Variants in CIB4 observed in about 807,000 individuals in gnomAD.
CIB4 encodes the protein calcium and integrin-binding family member 4.
A neutral mutation model predicts 25.8 loss-of-function variants in CIB4; 25 were observed. The observed-to-expected ratio is 0.97, with a 90% CI of 0.71 to 1.35. The LOEUF is 1.35. Ranked by LOEUF, CIB4 falls within the 40% of genes most tolerant of loss-of-function variation. The pLI, the probability that CIB4 is intolerant of heterozygous loss-of-function variation, is 0.00. For synonymous variants in CIB4, 75 were observed against 81.4 expected, an observed-to-expected ratio of 0.92 and a Z score of 0.42; for missense variants, 235 against 228.2, an observed-to-expected ratio of 1.03 and a Z score of -0.19.
intron 3 of CIB4, among the ~76,000 whole-genome samples, chr2:26,617,128 G>GTA (rs1187598712): frequency 6.8e-6 from 1 of 147,090 alleles, no homozygotes; most frequent in Non-Finnish European, 1.5e-5. Context: ...GAATGTGTGT[G>GTA]TGTGTGTGTG....
At chr2:26,634,968 G>A (rs1250642861) in intron 2 of CIB4, among the ~76,000 whole-genome samples, 2 of 152,252 alleles carry the variant, frequency 1.3e-5, no homozygotes, top group Non-Finnish European at 2.9e-5. Context: ...CTGGGCTGGA[G>A]TCAGGCTGTG....
At chr2:26,605,672 C>T (rs2148206247) in intron 3 of CIB4, 1 of 391,226 alleles carries the variant, frequency 2.6e-6, no homozygotes, top group African/African-American at 2.1e-5. Flanking sequence ...AGTTCACAGA[C>T]CCAACAAGTG....
intron 4 of CIB4, among the ~76,000 whole-genome samples, chr2:26,584,523 C>T (rs571950580): frequency 1.3e-5 from 2 of 152,360 alleles, no homozygotes; most frequent in East Asian, 1.9e-4. Flanking sequence ...GTGGGGCTGG[C>T]CATACTGACC....
chr2:26,638,021 G>A (rs1572576964), intron 2 of CIB4, among the ~76,000 whole-genome samples: 1 of 152,170 alleles, frequency 6.6e-6, no homozygotes, highest in East Asian at 1.9e-4. Flanking sequence ...CAGCGCTGAC[G>A]CACGCCGGCC....
chr2:26,599,981 GA>G (rs1398086811), intron 3 of CIB4, among the ~76,000 whole-genome samples: 1 of 143,094 alleles, frequency 7.0e-6, no homozygotes, highest in African/African-American at 2.7e-5. Flanking sequence ...GCTGAGGCAA[GA>G]GAATCGTTTG....
chr2:26,598,426 G>A (rs1289338908), intron 3 of CIB4, among the ~76,000 whole-genome samples: 3 of 152,152 alleles, frequency 2.0e-5, no homozygotes, highest in African/African-American at 7.2e-5. Context: ...TGAGAGGCAC[G>A]GGAGGGGGCC....
chr2:26,588,898 G>C (rs1200707987), intron 4 of CIB4, among the ~76,000 whole-genome samples: 3 of 152,060 alleles, frequency 2.0e-5, no homozygotes, highest in Non-Finnish European at 2.9e-5. Context: ...GTCTCTCAGA[G>C]CAGGACATGG....
chr2:26,592,589 A>C (rs887050607), intron 4 of CIB4, among the ~76,000 whole-genome samples: 1 of 152,064 alleles, frequency 6.6e-6, no homozygotes, highest in African/African-American at 2.4e-5. Flanking sequence ...ACCTAGATAC[A>C]TGTTAGAGCT....
At chr2:26,638,240 C>G (rs986516112) in intron 2 of CIB4, among the ~76,000 whole-genome samples, 1 of 152,214 alleles carries the variant, frequency 6.6e-6, no homozygotes, top group Non-Finnish European at 1.5e-5. Flanking sequence ...CCCAACACAA[C>G]GCGGAGCCAA....
chr2:26,626,532 T>A (rs1669309288), intron 3 of CIB4, among the ~76,000 whole-genome samples: 1 of 151,852 alleles, frequency 6.6e-6, no homozygotes, highest in Non-Finnish European at 1.5e-5. Flanking sequence ...ATCATTTTAA[T>A]CTTTTTTTTG....
At chr2:26,582,494 G>A (rs1047974800) in intron 6 of CIB4, among the ~76,000 whole-genome samples, 2 of 152,190 alleles carry the variant, frequency 1.3e-5, no homozygotes, top group African/African-American at 2.4e-5. Context: ...CCAGTTGGCC[G>A]CTGGAGGCAG....
chr2:26,639,118 C>T (rs1011160827), intron 2 of CIB4, among the ~76,000 whole-genome samples: 2 of 151,932 alleles, frequency 1.3e-5, no homozygotes, highest in African/African-American at 4.8e-5. Context: ...CAGAGGCGGC[C>T]TTGAGGGAAA....
intron 2 of CIB4, among the ~76,000 whole-genome samples, chr2:26,632,484 C>T (rs1669438690): frequency 6.6e-6 from 1 of 152,124 alleles, no homozygotes; most frequent in Admixed American, 6.5e-5. Context: ...AGGCCGGGTG[C>T]AGTGGCTCCT....
At chr2:26,616,645 C>A (rs1282263973) in intron 3 of CIB4, among the ~76,000 whole-genome samples, 1 of 152,184 alleles carries the variant, frequency 6.6e-6, no homozygotes, top group Non-Finnish European at 1.5e-5. Flanking sequence ...AAGACAGACA[C>A]TCCACAGGGC....
At chr2:26,598,500 G>A (rs1651088515) in intron 3 of CIB4, among the ~76,000 whole-genome samples, 1 of 152,268 alleles carries the variant, frequency 6.6e-6, no homozygotes, top group South Asian at 2.1e-4. Flanking sequence ...GAGCAACTGG[G>A]CTTGGGAAAC....
chr2:26,623,973 C>T (rs1020474627), intron 3 of CIB4, among the ~76,000 whole-genome samples: 12 of 152,170 alleles, frequency 7.9e-5, no homozygotes, highest in Non-Finnish European at 1.5e-4. Flanking sequence ...TACACCAAAT[C>T]CATCAGACAA....
chr2:26,595,507 T>C (rs1465456843), intron 3 of CIB4, among the ~76,000 whole-genome samples, 190 bp from the exon 4 acceptor site: 5 of 152,224 alleles, frequency 3.3e-5, no homozygotes, highest in Non-Finnish European at 4.4e-5. Context: ...CGGGGATGAA[T>C]CTTGCAGTTG....
At chr2:26,634,133 C>G (rs1040331234) in intron 2 of CIB4, among the ~76,000 whole-genome samples, 2 of 152,074 alleles carry the variant, frequency 1.3e-5, no homozygotes, top group African/African-American at 4.8e-5. Flanking sequence ...GGATAGAGCC[C>G]GAGGCACCTA....
At chr2:26,611,540 C>T (rs763943119) in intron 3 of CIB4, among the ~76,000 whole-genome samples, 1 of 152,152 alleles carries the variant, frequency 6.6e-6, no homozygotes, top group Non-Finnish European at 1.5e-5. Flanking sequence ...TTGCTACATA[C>T]TCAGTATAAT....
Sources: allele counts gnomAD v4.1 joint callset (sites outside exome capture counted in the v4.1 genomes callset), GRCh38; gene constraint gnomAD v4.1.1; transcripts MANE v1.5; gene names NCBI Gene and HGNC (gene_info 2026-07-23, HGNC 2026-07-21).